The following PRKG1 variants were observed in gnomAD, a reference collection of about 807,000 sequenced individuals.
PRKG1 encodes the protein protein kinase cGMP-dependent 1.
Under a neutral mutation model 88.1 loss-of-function variants are expected in PRKG1, and 35 were observed. The ratio of observed to expected loss-of-function variants is 0.40; its 90% CI spans 0.30 to 0.53. The LOEUF (loss-of-function observed/expected upper bound fraction) is 0.53. Ranked by LOEUF, PRKG1 falls within the 20% of genes least tolerant of loss-of-function variation. The pLI, the probability that PRKG1 is intolerant of heterozygous loss-of-function variation, is 0.59. For synonymous variants in PRKG1, 303 were observed against 292.5 expected (o/e 1.04, Z -0.37); for missense variants, 540 against 839.8 (o/e 0.64, Z 4.41).
chr10:51,702,630 C>G (rs1841497267), intron 3 of PRKG1, among the ~76,000 whole-genome samples: 1 of 152,144 alleles, frequency 6.6e-6, no homozygotes, highest in Non-Finnish European at 1.5e-5. Flanking sequence ...ACAAGAGCAT[C>G]TATGGCCAAA....
rs141979240 is a variant in PRKG1, at chr10:52,187,711, C to T, written c.1076+25748C>T. On this transcript the variant is annotated intron_variant, in intron 9 of 17. Coordinates refer to ENST00000373980, the MANE Select transcript of PRKG1 (RefSeq NM_006258.4). ...ACAATGCTATATTGTCATTCTGCTG[C>T]TCGTTGACATGATAACTAATCCCCA... Among the ~76,000 whole-genome samples the T allele has an allele frequency of 2.9e-4, 44 of 152,288 alleles. 1 individual carries two copies. The East Asian group carries it at 8.1e-3, about 28-fold the overall frequency.
Position 51,920,865 on chromosome 10 carries a change from A to G in PRKG1, c.762+13295A>G, listed in dbSNP as rs531254088. Among the ~76,000 whole-genome samples the G allele has an allele frequency of 4.0e-3, 616 of 152,300 alleles. 2 individuals are homozygous for G. The highest frequency in any genetic ancestry group is 6.0e-3 in the Non-Finnish European group (411 of 68,008). On this transcript the variant is annotated intron_variant, in intron 5 of 17. Coordinates refer to ENST00000373980, the MANE Select transcript of PRKG1 (RefSeq NM_006258.4). ...TTTACAGAAAAACTGAACAGAAAGT[A>G]GAGAATTCTCATATACTCCCTCTCT...
chr10:51,621,407 A>C (rs1455664600), intron 3 of PRKG1, among the ~76,000 whole-genome samples: 1 of 151,968 alleles, frequency 6.6e-6, no homozygotes, highest in East Asian at 1.9e-4. Context: ...GTCTCTTTTT[A>C]TTTAATGCAA....
At chr10:51,822,110 T>TAC (rs1839763506) in intron 4 of PRKG1, among the ~76,000 whole-genome samples, 3 of 151,872 alleles carry the variant, frequency 2.0e-5, no homozygotes, top group Admixed American at 6.6e-5. Flanking sequence ...CATATATATA[T>TAC]ACACACATAT....
At chr10:51,914,083 T>C (rs1842284473) in intron 5 of PRKG1, among the ~76,000 whole-genome samples, 3 of 152,150 alleles carry the variant, frequency 2.0e-5, no homozygotes, top group Admixed American at 2.0e-4. Context: ...TCTTCTCTTA[T>C]GTATACTAAG....
At chr10:51,999,092 C>T (rs899897548) in intron 5 of PRKG1, among the ~76,000 whole-genome samples, 7 of 152,184 alleles carry the variant, frequency 4.6e-5, no homozygotes, top group African/African-American at 1.7e-4. Flanking sequence ...GAACTTTAAA[C>T]AGAAATGAAT....
intron 2 of PRKG1, among the ~76,000 whole-genome samples, chr10:51,400,704 C>T (rs1224756169): frequency 6.6e-6 from 1 of 152,108 alleles, no homozygotes; most frequent in Non-Finnish European, 1.5e-5. Context: ...AAATGTTTTC[C>T]CTTTGTTTGG....
intron 3 of PRKG1, among the ~76,000 whole-genome samples, chr10:51,760,306 C>T (rs139688940): frequency 2.8e-4 from 43 of 152,148 alleles, no homozygotes; most frequent in African/African-American, 8.9e-4. Flanking sequence ...ATAAATAACC[C>T]GGAGAAGTGA....
At chr10:51,924,343 C>T (rs1842526213) in intron 5 of PRKG1, among the ~76,000 whole-genome samples, 1 of 152,076 alleles carries the variant, frequency 6.6e-6, no homozygotes, top group African/African-American at 2.4e-5. Context: ...TCTCTCAACA[C>T]TTTAAATATT....
intron 1 of PRKG1, among the ~76,000 whole-genome samples, chr10:51,044,253 G>A (rs1291862543): frequency 6.6e-6 from 1 of 152,128 alleles, no homozygotes; most frequent in Admixed American, 6.5e-5. Flanking sequence ...GACTCTGTGT[G>A]GGTAGATGAG....
chr10:51,043,930 A>G (rs1252530507), intron 1 of PRKG1, among the ~76,000 whole-genome samples: 1 of 152,174 alleles, frequency 6.6e-6, no homozygotes, highest in East Asian at 1.9e-4. Flanking sequence ...ACTGAGGAAC[A>G]CTAGCTAAAC....
chr10:51,654,677 A>C (rs899449207), intron 3 of PRKG1, among the ~76,000 whole-genome samples: 1 of 152,160 alleles, frequency 6.6e-6, no homozygotes, highest in African/African-American at 2.4e-5. Context: ...AATAGCTAAA[A>C]ATGGACAGTT....
intron 3 of PRKG1, among the ~76,000 whole-genome samples, chr10:51,770,948 C>T (rs1442745549): frequency 6.6e-6 from 1 of 152,140 alleles, no homozygotes; most frequent in African/African-American, 2.4e-5. Flanking sequence ...AGTGTGCAAA[C>T]ATCACAGAGT....
At chr10:51,972,394 C>T (rs1843732485) in intron 5 of PRKG1, among the ~76,000 whole-genome samples, 1 of 152,158 alleles carries the variant, frequency 6.6e-6, no homozygotes, top group African/African-American at 2.4e-5. Context: ...TATTGCACTG[C>T]GGTCATACCT....
At chr10:51,698,294 T>C (rs775981203) in intron 3 of PRKG1, 1 of 1,614,014 alleles carries the variant, frequency 6.2e-7, no homozygotes, top group African/African-American at 1.3e-5. Flanking sequence ...GGCACGAGTC[T>C]CCATCGCTCG....
At chr10:51,922,655 A>G (rs1230998473) in intron 5 of PRKG1, among the ~76,000 whole-genome samples, 2 of 151,950 alleles carry the variant, frequency 1.3e-5, no homozygotes, top group East Asian at 1.9e-4. Flanking sequence ...TCTTTGAGCC[A>G]TATGTTATTT....
chr10:51,108,275 G>A (rs1299824190), intron 1 of PRKG1, among the ~76,000 whole-genome samples: 1 of 151,794 alleles, frequency 6.6e-6, no homozygotes, highest in African/African-American at 2.4e-5. Context: ...CCTGATATGA[G>A]AAAGAGAAGG....
intron 5 of PRKG1, among the ~76,000 whole-genome samples, chr10:51,932,693 C>G (rs1372835460): frequency 9.9e-5 from 15 of 152,138 alleles, no homozygotes; most frequent in Admixed American, 9.8e-4. Context: ...CAGGGCAGTT[C>G]TAACAAGGGT....
chr10:51,264,498 A>G (rs1311171015), intron 2 of PRKG1, among the ~76,000 whole-genome samples: 1 of 152,196 alleles, frequency 6.6e-6, no homozygotes, highest in African/African-American at 2.4e-5. Context: ...AAAAATATAC[A>G]TGGACATGTA....
Sources: allele counts gnomAD v4.1 joint callset (sites outside exome capture counted in the v4.1 genomes callset), GRCh38; gene constraint gnomAD v4.1.1; transcripts MANE v1.5; gene names NCBI Gene and HGNC (gene_info 2026-07-23, HGNC 2026-07-21).